The following SLC9A9 variants were observed in gnomAD, a reference collection of about 807,000 sequenced individuals.
SLC9A9 encodes solute carrier family 9 member A9, also known as sodium/hydrogen exchanger 9.
SLC9A9 carries 62 observed loss-of-function variants against 77.8 expected under a neutral mutation model. The observed-to-expected ratio is 0.80, with a 90% confidence interval of 0.65 to 0.98. The LOEUF (loss-of-function observed/expected upper bound fraction) is 0.98, where lower values mean the gene tolerates loss of function less well. Among genes scored for constraint, SLC9A9 ranks in the 50% least tolerant of loss-of-function variants. The pLI, the probability that SLC9A9 is intolerant of heterozygous loss-of-function variation, is 0.00. For synonymous variants in SLC9A9, 320 were observed against 283.5 expected, an observed-to-expected ratio of 1.13 and a Z score of -1.29; for missense variants, 775 against 774.9, an observed-to-expected ratio of 1.00 and a Z score of 0.00.
intron 5 of SLC9A9, among the ~76,000 whole-genome samples, chr3:143,690,119 A>T (rs13084504): frequency 1.3e-5 from 2 of 151,980 alleles, no homozygotes; most frequent in South Asian, 4.1e-4. Context: ...AAAGGCTAAA[A>T]ATAACCACAA....
chr3:143,372,907 A>G (rs2033089904), intron 13 of SLC9A9, among the ~76,000 whole-genome samples: 1 of 152,208 alleles, frequency 6.6e-6, no homozygotes, highest in African/African-American at 2.4e-5. Flanking sequence ...ACAATGAGAT[A>G]CTACTTTACT....
At chr3:143,782,108 C>T (rs1304670919) in intron 4 of SLC9A9, among the ~76,000 whole-genome samples, 2 of 152,134 alleles carry the variant, frequency 1.3e-5, no homozygotes, top group African/African-American at 4.8e-5. Flanking sequence ...ACATTTGACC[C>T]AGATATGTGC....
intron 4 of SLC9A9, among the ~76,000 whole-genome samples, chr3:143,793,488 C>T (rs2008280623): frequency 6.6e-6 from 1 of 152,136 alleles, no homozygotes; most frequent in Admixed American, 6.5e-5. Context: ...TTCAAGACCC[C>T]ATATTATAGA....
intron 12 of SLC9A9, among the ~76,000 whole-genome samples, chr3:143,391,460 T>C (rs1480095536): frequency 6.6e-6 from 1 of 152,126 alleles, no homozygotes; most frequent in Non-Finnish European, 1.5e-5. Flanking sequence ...TACGTCACCA[T>C]CATCAAACAC....
intron 8 of SLC9A9, among the ~76,000 whole-genome samples, chr3:143,561,545 C>T (rs905505019): frequency 5.9e-5 from 9 of 152,146 alleles, no homozygotes; most frequent in African/African-American, 1.7e-4. Flanking sequence ...CGCCTCTCAG[C>T]CCCTGTGGTA....
intron 12 of SLC9A9, among the ~76,000 whole-genome samples, chr3:143,413,768 C>G (rs2034140542): frequency 7.0e-6 from 1 of 142,568 alleles, no homozygotes; most frequent in Non-Finnish European, 1.5e-5. Context: ...GTACAGAGAT[C>G]AGTATTATTA....
At chr3:143,405,598 C>CT (rs2033960846) in intron 12 of SLC9A9, among the ~76,000 whole-genome samples, 1 of 152,152 alleles carries the variant, frequency 6.6e-6, no homozygotes, top group Admixed American at 6.5e-5. Flanking sequence ...GAACCTCTAT[C>CT]ATATAGGTGG....
In SLC9A9 at chr3:143,371,284, A is replaced by G. The variant is rs550038251; in HGVS notation, c.1525-7721T>C. 2.2e-3 allele frequency among the ~76,000 whole-genome samples: 336 copies of G among 152,334 alleles called. 3 individuals carry two copies. Among genetic ancestry groups the G allele is most frequent in the African/African-American group, 7.5e-3 (312 of 41,578 alleles). ...CAGCTATTCTATTGAGACCTCAGAA[A>G]AAAAGCATGTTTTATGAGTAAGGAC... On this transcript the variant is annotated intron_variant, in intron 13 of 15. Coordinates refer to ENST00000316549, the MANE Select transcript of SLC9A9 (RefSeq NM_173653.4).
intron 14 of SLC9A9, among the ~76,000 whole-genome samples, chr3:143,273,138 T>C (rs1401055704): frequency 1.3e-5 from 2 of 152,250 alleles, no homozygotes; most frequent in Non-Finnish European, 2.9e-5. Flanking sequence ...GGTACACAGC[T>C]TAAGCCTATG....
chr3:143,271,234 T>A (rs1937890393), intron 14 of SLC9A9, among the ~76,000 whole-genome samples: 1 of 152,176 alleles, frequency 6.6e-6, no homozygotes, highest in Non-Finnish European at 1.5e-5. Flanking sequence ...TTGGAGTAAA[T>A]GCTTAAAGGC....
Position 143,803,804 on chromosome 3 carries a change from C to T in SLC9A9, c.379-6901G>A, listed in dbSNP as rs143322317. Among the ~76,000 whole-genome samples the T allele has an allele frequency of 2.0e-3, 304 of 152,246 alleles. 1 individual carries two copies. Among genetic ancestry groups the T allele is most frequent in the African/African-American group, 6.8e-3 (283 of 41,524 alleles). On this transcript the variant is annotated intron_variant, in intron 2 of 15. Transcript: ENST00000316549. ...CTTCCAGCGCCTACACAGCTGTCCC[C>T]GCCTTACATACAGACTGGGCGACAT...
At chr3:143,657,948 C>A (rs1407111251) in intron 5 of SLC9A9, among the ~76,000 whole-genome samples, 1 of 152,092 alleles carries the variant, frequency 6.6e-6, no homozygotes, top group East Asian at 1.9e-4. Flanking sequence ...CTCACTGCAA[C>A]CTCTGCCTCC....
At chr3:143,432,265 C>G (rs993704374) in intron 12 of SLC9A9, among the ~76,000 whole-genome samples, 2 of 152,056 alleles carry the variant, frequency 1.3e-5, no homozygotes. Flanking sequence ...GACTACACAC[C>G]GGGTAATTAC....
intron 4 of SLC9A9, among the ~76,000 whole-genome samples, chr3:143,761,820 A>G (rs2108832681): frequency 1.3e-5 from 2 of 152,332 alleles, no homozygotes; most frequent in Middle Eastern, 3.4e-3. Flanking sequence ...ATACCATTTG[A>G]TCCAGCCATC....
intron 4 of SLC9A9, among the ~76,000 whole-genome samples, chr3:143,722,272 G>C (rs1007623423): frequency 2.0e-5 from 3 of 152,002 alleles, no homozygotes; most frequent in Non-Finnish European, 4.4e-5. Context: ...AGGAGATCGA[G>C]ACCATCCTGG....
chr3:143,702,752 A>G (rs1933839904), intron 4 of SLC9A9, among the ~76,000 whole-genome samples: 1 of 152,018 alleles, frequency 6.6e-6, no homozygotes. Context: ...AAAGTCTCCA[A>G]AAAAAGACAT....
At chr3:143,789,932 C>T (rs188217869) in intron 4 of SLC9A9, among the ~76,000 whole-genome samples, 9 of 152,180 alleles carry the variant, frequency 5.9e-5, no homozygotes, top group East Asian at 3.9e-4. Context: ...AGTGAGTTAC[C>T]GAGTCCAGCA....
chr3:143,574,155 C>T lies in SLC9A9; in HGVS notation c.933G>A (p.Leu311=). 6.2e-7 allele frequency: 1 copy of T among 1,613,516 alleles called. No homozygotes were observed. Among genetic ancestry groups the T allele is most frequent in the South Asian group, 1.1e-5 (1 of 91,070 alleles). The change falls in exon 8 of 16, where the codon CTG becomes CTA. Residue 311 remains leucine (L), a synonymous_variant. Transcript: ENST00000316549. ...AAAGCAGGAAAAACAGGCCGGTTTC[C>T]AGCATCGGGAACTCACACAGCTTGG... The part of the protein sequence containing the change: ...KFTKLCEFPM[L]ETGLFFLLSW...
At chr3:143,745,689 T>A (rs1179730390) in intron 4 of SLC9A9, among the ~76,000 whole-genome samples, 1 of 152,226 alleles carries the variant, frequency 6.6e-6, no homozygotes, top group Non-Finnish European at 1.5e-5. Flanking sequence ...AATTTTCATA[T>A]CATTCCAGGT....
Sources: allele counts gnomAD v4.1 joint callset (sites outside exome capture counted in the v4.1 genomes callset), GRCh38; gene constraint gnomAD v4.1.1; transcripts MANE v1.5; gene names NCBI Gene and HGNC (gene_info 2026-07-23, HGNC 2026-07-21).